RELCH: variants seen among roughly 807,000 people sequenced by gnomAD.
RELCH encodes the protein RAB11-binding protein RELCH.
Under a neutral mutation model 150.3 loss-of-function variants are expected in RELCH, and 41 were observed. The observed-to-expected ratio is 0.27, with a 90% CI of 0.21 to 0.35. The LOEUF is 0.35. RELCH is among the 10% of genes least tolerant of loss of function. RELCH has a pLI of 1.00. For synonymous variants in RELCH, 478 were observed against 531.8 expected, an observed-to-expected ratio of 0.90 and a Z score of 1.39; for missense variants, 1,092 against 1,467.8, an observed-to-expected ratio of 0.74 and a Z score of 4.18.
chr18:62,221,568 TC>T (rs373273544), intron 5 of RELCH, 71 bp downstream of exon 5: 32 of 640,952 alleles, frequency 5.0e-5, no homozygotes, highest in Middle Eastern at 4.5e-4. Context: ...TTACGTAGTT[TC>T]TTTTTTTTTT....
Position 62,266,745 on chromosome 18 carries a change from C to A in RELCH, c.2676C>A (p.Asn892Lys). The change falls in exon 19 of 29, where the codon AAC (asparagine) becomes AAA (lysine). Residue 892 changes from asparagine to lysine, a missense_variant. Around this residue, in one of 4 missense-constraint regions of RELCH, gnomAD observed 707 missense variants for 1,025.4 expected, o/e 0.69. Transcript: ENST00000644646. ...AGATTTTAAGACTATCTGAAGAAAACATTGGTGAGTTTGTTCATTATTACT... is the reference window on the plus strand; with the variant it reads ...AGATTTTAAGACTATCTGAAGAAAAAATTGGTGAGTTTGTTCATTATTACT... ...FQEILRLSEE[N>K]IDSSAGNGVL... The A allele has an allele frequency of 6.3e-7, 1 of 1,583,068 alleles. No individual in the cohort carries two copies. Among genetic ancestry groups the A allele is most frequent in the South Asian group, 1.1e-5 (1 of 89,184 alleles).
intron 10 of RELCH, among the ~76,000 whole-genome samples, chr18:62,239,885 G>C (rs528630071): frequency 3.3e-5 from 5 of 151,958 alleles, no homozygotes; most frequent in African/African-American, 1.2e-4. Context: ...CACGCCTTCT[G>C]TGCTATGTAT....
intron 2 of RELCH, among the ~76,000 whole-genome samples, chr18:62,212,576 G>C (rs541098208): frequency 1.4e-4 from 22 of 152,296 alleles, no homozygotes; most frequent in African/African-American, 5.3e-4. Context: ...GAATAAAAAT[G>C]AGTGCTAATT....
chr18:62,277,674 A>C, intron 22 of RELCH: 1 of 977,220 alleles, frequency 1.0e-6, no homozygotes, highest in Non-Finnish European at 1.2e-6. Context: ...ACTGAAATTC[A>C]CTAATAAATT....
chr18:62,245,254 T>G (rs966058734), intron 11 of RELCH, among the ~76,000 whole-genome samples: 1 of 152,234 alleles, frequency 6.6e-6, no homozygotes, highest in African/African-American at 2.4e-5. Flanking sequence ...TAAGACCTGA[T>G]TACTTATCAC....
At position 62,280,618 on chromosome 18, in the gene RELCH, C is replaced by T. The variant is rs759188404; in HGVS notation, c.3051-28C>T. Reference sequence around the variant, plus strand: ...ATACTCGTTGTTCATCTCAAATCTTCAGTTTCTTTCTGTTTTAATTCTAAC... The same window carrying T: ...ATACTCGTTGTTCATCTCAAATCTTTAGTTTCTTTCTGTTTTAATTCTAAC... On this transcript the variant is annotated intron_variant, in intron 23 of 28. Transcript: ENST00000644646. 7 of 1,566,848 alleles carry T rather than the reference C, an allele frequency of 4.5e-6. No homozygotes were observed. In the Admixed American group the frequency reaches 1.2e-4, roughly 26 times the overall value.
chr18:62,281,177 A>G (rs1396653708), intron 24 of RELCH, among the ~76,000 whole-genome samples: 2 of 152,210 alleles, frequency 1.3e-5, no homozygotes, highest in African/African-American at 4.8e-5. Context: ...TGGATGTTGC[A>G]GTTTTGAATA....
In RELCH at chr18:62,221,371, A is replaced by G. The variant is rs1328951423; in HGVS notation, c.745-13A>G. 6.4e-7 allele frequency: 1 copy of G among 1,572,094 alleles called. No individual in the cohort carries two copies. The highest frequency in any genetic ancestry group is 1.1e-5 in the South Asian group (1 of 89,838). On this transcript the variant is annotated splice_polypyrimidine_tract_variant and intron_variant, in intron 4 of 28. Coordinates refer to ENST00000644646, the MANE Select transcript of RELCH (RefSeq NM_001346231.2). ...ACTTATGATTTCCTGTTTGCCTCTT[A>G]TTTTGCTTCCAGGAGCCAATCAAAC...
chr18:62,265,287 G>A (rs1489344875), intron 18 of RELCH, among the ~76,000 whole-genome samples: 2 of 152,018 alleles, frequency 1.3e-5, no homozygotes, highest in Non-Finnish European at 2.9e-5. Context: ...TTGCTGCGAA[G>A]ATGCCACCTC....
At chr18:62,275,619 G>A (rs1281494314) in intron 22 of RELCH, 146 bp downstream of exon 22, 6 of 544,516 alleles carry the variant, frequency 1.1e-5, no homozygotes, top group South Asian at 5.2e-5. Flanking sequence ...GTCTGGTTGT[G>A]TACTGTGTGA....
intron 26 of RELCH, among the ~76,000 whole-genome samples, chr18:62,290,939 T>C (rs2045098225): frequency 6.6e-6 from 1 of 152,204 alleles, no homozygotes; most frequent in South Asian, 2.1e-4. Flanking sequence ...TAGGCATCTC[T>C]TTTGTGTGAA....
chr18:62,232,530 T>C (rs2041644892), intron 10 of RELCH, 103 bp downstream of exon 10: 3 of 691,132 alleles, frequency 4.3e-6, no homozygotes, highest in African/African-American at 3.6e-5. Flanking sequence ...TAAAGTCTAT[T>C]ACTTGCAATC....
intron 1 of RELCH, among the ~76,000 whole-genome samples, chr18:62,196,313 T>C (rs2039042383): frequency 6.6e-6 from 1 of 152,190 alleles, no homozygotes; most frequent in Non-Finnish European, 1.5e-5. Flanking sequence ...CGCTGCAACC[T>C]CTGCCTCCTG....
chr18:62,264,465 C>T (rs141219674), intron 17 of RELCH, among the ~76,000 whole-genome samples: 2 of 152,080 alleles, frequency 1.3e-5, no homozygotes, highest in East Asian at 3.9e-4. Flanking sequence ...GCATCAGATC[C>T]ATAGATTTGA....
At chr18:62,216,913 A>G (rs2040510188) in intron 2 of RELCH, among the ~76,000 whole-genome samples, 1 of 151,886 alleles carries the variant, frequency 6.6e-6, no homozygotes, top group African/African-American at 2.4e-5. Context: ...GTACATTTTG[A>G]TTTTCTTGAT....
intron 22 of RELCH, 65 bp from the exon 23 acceptor site, chr18:62,279,709 C>T (rs544451071): frequency 1.7e-5 from 18 of 1,040,918 alleles, no homozygotes; most frequent in Middle Eastern, 2.0e-4. Context: ...TCCTTCTTCC[C>T]GTGGCGCACT....
intron 22 of RELCH, chr18:62,277,535 A>T (rs966553955): frequency 2.9e-6 from 2 of 697,928 alleles, no homozygotes; most frequent in Non-Finnish European, 1.8e-6. Flanking sequence ...ACCCTAAAAA[A>T]GTTAATTCAA....
At chr18:62,241,844 G>A (rs2042163422) in intron 10 of RELCH, among the ~76,000 whole-genome samples, 1 of 152,084 alleles carries the variant, frequency 6.6e-6, no homozygotes. Context: ...CTTGAAAGAT[G>A]AATTCACAAT....
intron 5 of RELCH, among the ~76,000 whole-genome samples, chr18:62,224,540 C>T (rs773189335): frequency 1.5e-4 from 23 of 151,958 alleles, no homozygotes; most frequent in South Asian, 4.2e-4. Flanking sequence ...TCTCCAAAAA[C>T]GGTACAAAAA....
Sources: allele counts gnomAD v4.1 joint callset (sites outside exome capture counted in the v4.1 genomes callset), GRCh38; gene constraint gnomAD v4.1.1; regional missense constraint gnomAD v4.1.1; transcripts MANE v1.5; gene names NCBI Gene and HGNC (gene_info 2026-07-23, HGNC 2026-07-21).